VPS53: variants seen among roughly 807,000 people sequenced by gnomAD.
VPS53 encodes vacuolar protein sorting-associated protein 53 homolog.
VPS53 carries 70 observed loss-of-function variants against 107.0 expected under a neutral mutation model. The observed-to-expected ratio is 0.65, with a 90% confidence interval of 0.54 to 0.80. VPS53 has a LOEUF of 0.80. VPS53 is among the 30% of genes least tolerant of loss of function. VPS53 has a pLI of 0.00. For missense variants in VPS53, 917 were observed against 1,049.4 expected (o/e 0.87, Z 1.74); for synonymous variants, 409 against 393.3 (o/e 1.04, Z -0.47).
chr17:661,496 TGGCGA>T (rs1971436003), intron 5 of VPS53, among the ~76,000 whole-genome samples: 1 of 137,230 alleles, frequency 7.3e-6, no homozygotes, highest in Admixed American at 8.3e-5. Flanking sequence ...ACTCCAAGGC[TGGCGA>T]CAGAGCAAGA....
chr17:509,939 G>A lies in VPS53; in HGVS notation c.*9189C>T, dbSNP rs551407830. Reference sequence around the variant, plus strand: ...CCAGTCACATATCAAATCCTGGCTCGCCCCTCACCAGTCACATATCAAATC... The same window carrying A: ...CCAGTCACATATCAAATCCTGGCTCACCCCTCACCAGTCACATATCAAATC... On this transcript the variant is annotated 3_prime_UTR_variant, in exon 22 of 22. Transcript: ENST00000437048. The A allele has an allele frequency of 1.2e-4, 7 of 60,560 alleles. No homozygotes were observed. Among genetic ancestry groups the A allele is most frequent in the Middle Eastern group, 0.018 (1 of 56 alleles). 3.8% of individuals were successfully genotyped at this position (60,560 alleles called of 1,614,324 possible). A position where few individuals can be genotyped will look rare whatever the true frequency, so the allele number is the denominator to read the frequency against.
chr17:566,549 T>C (rs1029160831), intron 13 of VPS53, among the ~76,000 whole-genome samples: 2 of 152,036 alleles, frequency 1.3e-5, no homozygotes, highest in Non-Finnish European at 1.5e-5. Flanking sequence ...CCACACTTTG[T>C]TCCTAGGGGA....
At chr17:673,004 C>T (rs1377722580) in intron 4 of VPS53, among the ~76,000 whole-genome samples, 2 of 150,572 alleles carry the variant, frequency 1.3e-5, no homozygotes, top group Non-Finnish European at 3.0e-5. Flanking sequence ...CCCAGCTACT[C>T]GGGAGACTTA....
chr17:575,905 T>A (rs1170701259), intron 13 of VPS53, among the ~76,000 whole-genome samples: 1 of 151,410 alleles, frequency 6.6e-6, no homozygotes, highest in Non-Finnish European at 1.5e-5. Context: ...CGAACCTCCC[T>A]GAGACCCTAA....
At position 653,321 on chromosome 17, in the gene VPS53, C is replaced by G. The variant is rs1971036010; in HGVS notation, c.578G>C (p.Gly193Ala). 1 of 1,614,210 alleles carries G rather than the reference C, an allele frequency of 6.2e-7. No individual in the cohort carries two copies. Among genetic ancestry groups the G allele is most frequent in the Non-Finnish European group, 8.5e-7 (1 of 1,180,042 alleles). The change falls in exon 7 of 22, where the codon GGG (glycine) becomes GCG (alanine). Residue 193 changes from glycine (G) to alanine (A), a missense_variant. By Grantham distance (60) the Gly-to-Ala change is moderately conservative. Transcript: ENST00000437048. ...NVLEHFHKYM[G>A]IPQIRQLSER... is the part of the protein sequence containing the mutation. Reference sequence around the variant, plus strand: ...GGAAAGCTGCCGGATCTGCGGAATCCCCATATACTTGTGGAAGTGCTCCAG... The same window carrying G: ...GGAAAGCTGCCGGATCTGCGGAATCGCCATATACTTGTGGAAGTGCTCCAG...
At chr17:631,793 A>T (rs1969973816) in intron 7 of VPS53, among the ~76,000 whole-genome samples, 165 bp from the exon 8 acceptor site, 1 of 151,948 alleles carries the variant, frequency 6.6e-6, no homozygotes, top group South Asian at 2.1e-4. Context: ...CAGGTTGATG[A>T]GCAGGACCCA....
At chr17:563,820 C>G (rs532401391) in intron 13 of VPS53, among the ~76,000 whole-genome samples, 1 of 152,186 alleles carries the variant, frequency 6.6e-6, no homozygotes, top group Non-Finnish European at 1.5e-5. Context: ...TTAGACATCA[C>G]GAACCTAAAT....
At chr17:542,198 A>G (rs1910751158) in intron 17 of VPS53, among the ~76,000 whole-genome samples, 1 of 152,246 alleles carries the variant, frequency 6.6e-6, no homozygotes, top group African/African-American at 2.4e-5. Context: ...TGAATGAATC[A>G]TGTAGTGAAA....
At chr17:705,216 C>T (rs909594313) in intron 2 of VPS53, among the ~76,000 whole-genome samples, 2 of 152,112 alleles carry the variant, frequency 1.3e-5, no homozygotes, top group Admixed American at 6.6e-5. Flanking sequence ...TCTCCTTACA[C>T]TCAGTAATTG....
chr17:670,698 G>A (rs370782532), intron 4 of VPS53, among the ~76,000 whole-genome samples: 5 of 152,178 alleles, frequency 3.3e-5, no homozygotes, highest in African/African-American at 1.2e-4. Flanking sequence ...TATCCTGTGA[G>A]TCCGCAGGCA....
At chr17:531,436 C>T (rs1338067626) in intron 19 of VPS53, among the ~76,000 whole-genome samples, 1 of 152,098 alleles carries the variant, frequency 6.6e-6, no homozygotes, top group Non-Finnish European at 1.5e-5. Flanking sequence ...GATGTAAGCA[C>T]TGGATGAACT....
chr17:658,933 G>T (rs1971329707), intron 5 of VPS53, among the ~76,000 whole-genome samples: 1 of 152,026 alleles, frequency 6.6e-6, no homozygotes, highest in African/African-American at 2.4e-5. Context: ...CTATGATCCT[G>T]CAAGCCTTAC....
chr17:540,785 A>G (rs528159811), intron 17 of VPS53, among the ~76,000 whole-genome samples: 2 of 152,252 alleles, frequency 1.3e-5, no homozygotes, highest in African/African-American at 4.8e-5. Context: ...GACCTAGTTT[A>G]ACCACCACAA....
chr17:684,476 T>C (rs181610321), intron 4 of VPS53, among the ~76,000 whole-genome samples: 1 of 152,300 alleles, frequency 6.6e-6, no homozygotes, highest in East Asian at 1.9e-4. Flanking sequence ...CCACAAAATA[T>C]TTAGTATAAA....
chr17:667,039 G>A (rs1264702526), intron 4 of VPS53, among the ~76,000 whole-genome samples: 1 of 152,258 alleles, frequency 6.6e-6, no homozygotes, highest in Non-Finnish European at 1.5e-5. Context: ...AGTAGAGGCT[G>A]TGATCACAGA....
chr17:579,302 T>C (rs1966873418), intron 13 of VPS53, among the ~76,000 whole-genome samples: 1 of 150,388 alleles, frequency 6.6e-6, no homozygotes, highest in Admixed American at 6.6e-5. Context: ...CCTAATGCGT[T>C]CCCAGAGATC....
At position 673,128 on chromosome 17, in the gene VPS53, C is replaced by A. The variant is rs1223979005; in HGVS notation, c.286-11233G>T. On this transcript the variant is annotated intron_variant, in intron 4 of 21. Transcript: ENST00000437048. The stretch of plus-strand genomic sequence containing the variant: ...TTCCGTCGCAAAAAAAAAACAAAAA[C>A]AAAAACAAAAAAAAAACAACGGCAG... Among the ~76,000 whole-genome samples the A allele has an allele frequency of 3.3e-4, 48 of 144,880 alleles. No homozygotes were observed. In the South Asian group the frequency reaches 3.4e-3, roughly 10 times the overall value.
chr17:611,919 G>T (rs1198650703), intron 11 of VPS53, among the ~76,000 whole-genome samples: 1 of 151,594 alleles, frequency 6.6e-6, no homozygotes, highest in Non-Finnish European at 1.5e-5. Context: ...TTCACATAGT[G>T]AGTTCACACA....
intron 4 of VPS53, among the ~76,000 whole-genome samples, chr17:662,316 G>A (rs1044043324): frequency 5.0e-4 from 76 of 152,124 alleles, no homozygotes; most frequent in African/African-American, 1.6e-3. Flanking sequence ...AACCTGAACC[G>A]TGAATGGGGA....
Sources: allele counts gnomAD v4.1 joint callset (sites outside exome capture counted in the v4.1 genomes callset), GRCh38; gene constraint gnomAD v4.1.1; transcripts MANE v1.5; gene names NCBI Gene and HGNC (gene_info 2026-07-23, HGNC 2026-07-21).